Variants in NRG1 observed in about 807,000 individuals in gnomAD.
The protein encoded by NRG1 is neuregulin 1.
In NRG1, 18 loss-of-function variants were observed where a neutral mutation model predicts 63.8. The observed-to-expected ratio is 0.28, with a 90% CI of 0.19 to 0.42. NRG1 has a LOEUF of 0.42. Among genes scored for constraint, NRG1 ranks in the 10% least tolerant of loss-of-function variants. The probability of loss-of-function intolerance (pLI) is 1.00; values close to 1 mark genes in which losing one functional copy is unlikely to be tolerated. For missense variants in NRG1, 762 were observed against 814.7 expected, an observed-to-expected ratio of 0.94 and a Z score of 0.79; for synonymous variants, 302 against 301.3, an observed-to-expected ratio of 1.00 and a Z score of -0.02.
At chr8:32,544,379 G>A (rs1157084542), upstream of NRG1, among the ~76,000 whole-genome samples, 1 of 151,870 alleles carries the variant, frequency 6.6e-6, no homozygotes, top group Non-Finnish European at 1.5e-5. Context: ...ATATTGTATT[G>A]TCATATTTAA....
intron 1 of NRG1, among the ~76,000 whole-genome samples, chr8:31,756,930 G>A (rs1817023706): frequency 6.6e-6 from 1 of 152,066 alleles, no homozygotes; most frequent in African/African-American, 2.4e-5. Flanking sequence ...AGTCTATTGG[G>A]TCAGGGTATT....
intron 1 of NRG1, among the ~76,000 whole-genome samples, chr8:32,135,125 A>G (rs1273506692): frequency 6.6e-6 from 1 of 152,172 alleles, no homozygotes; most frequent in Non-Finnish European, 1.5e-5. Context: ...GCTGGAGAAG[A>G]AAAGGTAGGA....
At chr8:31,678,736 TATTAA>T (rs1465138815) in intron 1 of NRG1, among the ~76,000 whole-genome samples, 1 of 148,166 alleles carries the variant, frequency 6.7e-6, no homozygotes, top group African/African-American at 2.4e-5. Flanking sequence ...ATATTTATAT[TATTAA>T]ATTTATTTTA....
chr8:31,663,196 G>T (rs1806179637), intron 1 of NRG1, among the ~76,000 whole-genome samples: 1 of 152,154 alleles, frequency 6.6e-6, no homozygotes. Context: ...GAATAAATTG[G>T]ATTGGAAAAG....
At chr8:32,157,771 A>G (rs1030534187) in intron 1 of NRG1, among the ~76,000 whole-genome samples, 2 of 151,802 alleles carry the variant, frequency 1.3e-5, no homozygotes, top group African/African-American at 4.8e-5. Flanking sequence ...AGATACCAAG[A>G]CAAACTTATA....
At chr8:31,830,064 TA>T (rs1824956440) in intron 1 of NRG1, among the ~76,000 whole-genome samples, 1 of 152,138 alleles carries the variant, frequency 6.6e-6, no homozygotes, top group Non-Finnish European at 1.5e-5. Context: ...ACACTTTACA[TA>T]AAAATAGTAT....
At chr8:32,210,607 A>G (rs1844601999) in intron 1 of NRG1, among the ~76,000 whole-genome samples, 2 of 152,180 alleles carry the variant, frequency 1.3e-5, no homozygotes, top group African/African-American at 4.8e-5. Flanking sequence ...CTTTGAAGAG[A>G]AGAAAAGATG....
At chr8:32,513,147 A>G (rs1829404666) in intron 1 of NRG1, among the ~76,000 whole-genome samples, 1 of 151,446 alleles carries the variant, frequency 6.6e-6, no homozygotes, top group Non-Finnish European at 1.5e-5. Context: ...GTAATTCTCT[A>G]TATTGGTTGG....
intron 6 of NRG1, among the ~76,000 whole-genome samples, chr8:32,737,271 C>T (rs1020575681): frequency 6.6e-6 from 1 of 152,136 alleles, no homozygotes; most frequent in Non-Finnish European, 1.5e-5. Context: ...TATTTGAGGG[C>T]AGGCACAGCA....
At chr8:32,082,048 A>T (rs1827536607) in intron 1 of NRG1, among the ~76,000 whole-genome samples, 1 of 152,080 alleles carries the variant, frequency 6.6e-6, no homozygotes, top group African/African-American at 2.4e-5. Flanking sequence ...GGGAATATAG[A>T]TGCTACTGTG....
At chr8:32,201,517 A>G (rs1001064512) in intron 1 of NRG1, among the ~76,000 whole-genome samples, 9 of 152,196 alleles carry the variant, frequency 5.9e-5, no homozygotes, top group Non-Finnish European at 1.2e-4. Flanking sequence ...TGCCTAAACT[A>G]TATCCCTAAG....
At chr8:32,225,611 C>A in intron 1 of NRG1, among the ~76,000 whole-genome samples, 1 of 152,116 alleles carries the variant, frequency 6.6e-6, no homozygotes. Flanking sequence ...GTGATATATG[C>A]AATACCTCAC....
chr8:32,338,591 G>T (rs1008185442), intron 1 of NRG1, among the ~76,000 whole-genome samples: 3 of 151,966 alleles, frequency 2.0e-5, no homozygotes, highest in African/African-American at 7.2e-5. Flanking sequence ...TCTCAAATCT[G>T]GTACTGGTTT....
intron 4 of NRG1, among the ~76,000 whole-genome samples, chr8:32,614,989 G>C (rs532874210): frequency 6.6e-6 from 1 of 151,618 alleles, no homozygotes; most frequent in South Asian, 2.1e-4. Flanking sequence ...GTTGTGGATC[G>C]CTAAACTTAA....
chr8:32,490,295 ACT>A (rs2129494631), intron 1 of NRG1, among the ~76,000 whole-genome samples: 1 of 148,604 alleles, frequency 6.7e-6, no homozygotes, highest in Non-Finnish European at 1.5e-5. Context: ...ACAGAACGAG[ACT>A]CTGTCTCAAA....
chr8:32,615,007 AAACAG>A (rs558409147), intron 4 of NRG1, among the ~76,000 whole-genome samples: 4 of 148,670 alleles, frequency 2.7e-5, no homozygotes, highest in Non-Finnish European at 4.4e-5. Flanking sequence ...TAACAAAACA[AAACAG>A]AACAGAACAG....
chr8:32,572,357 T>C (rs1216848998), intron 1 of NRG1, among the ~76,000 whole-genome samples: 1 of 152,188 alleles, frequency 6.6e-6, no homozygotes, highest in Non-Finnish European at 1.5e-5. Flanking sequence ...ATGTTATCAA[T>C]ATATCATAAG....
At position 32,722,657 on chromosome 8, in the gene NRG1, T is replaced by C. The variant is rs1820942736; in HGVS notation, c.503-5292T>C. ...TATGACACTATTTTAAAATATTTTATACTTTAAAAAATTGTTATAACACAT... is the reference window on the plus strand; with the variant it reads ...TATGACACTATTTTAAAATATTTTACACTTTAAAAAATTGTTATAACACAT... On this transcript the variant is annotated intron_variant, in intron 5 of 11. Coordinates refer to ENST00000356819, the Ensembl canonical transcript of NRG1. Among the ~76,000 whole-genome samples the C allele has an allele frequency of 2.0e-5, 3 of 152,204 alleles. No homozygotes were observed. In the South Asian group the frequency reaches 6.2e-4, roughly 32 times the overall value.
At chr8:32,173,247 A>G (rs1840282910) in intron 1 of NRG1, among the ~76,000 whole-genome samples, 1 of 152,118 alleles carries the variant, frequency 6.6e-6, no homozygotes, top group Admixed American at 6.5e-5. Flanking sequence ...ACTAAGCTTC[A>G]TAAGTGAAGG....
Sources: allele counts gnomAD v4.1 joint callset (sites outside exome capture counted in the v4.1 genomes callset), GRCh38; gene constraint gnomAD v4.1.1; transcripts MANE v1.5; gene names NCBI Gene and HGNC (gene_info 2026-07-23, HGNC 2026-07-21).